The following DPY19L2 variants were observed in gnomAD, a reference collection of about 807,000 sequenced individuals.
The protein encoded by DPY19L2 is probable C-mannosyltransferase DPY19L2.
Under a neutral mutation model 97.9 loss-of-function variants are expected in DPY19L2, and 34 were observed. The ratio of observed to expected loss-of-function variants is 0.35; its 90% CI spans 0.26 to 0.46. The LOEUF is 0.46. Ranked by LOEUF, DPY19L2 falls within the 20% of genes least tolerant of loss-of-function variation. DPY19L2 has a pLI of 1.00. For missense variants in DPY19L2, 623 were observed against 911.4 expected (o/e 0.68, Z 4.07); for synonymous variants, 230 against 307.9 (o/e 0.75, Z 2.65).
At chr12:63,644,746 C>A (rs1893173282) in intron 5 of DPY19L2, among the ~76,000 whole-genome samples, 1 of 151,344 alleles carries the variant, frequency 6.6e-6, no homozygotes, top group Non-Finnish European at 1.5e-5. Context: ...GTAAGCTCAC[C>A]CTTAATGAGT....
Position 63,624,044 on chromosome 12 carries a change from G to A in DPY19L2, c.949C>T (p.Leu317Phe). 6.2e-7 allele frequency: 1 copy of A among 1,606,376 alleles called. No homozygotes were observed. The highest frequency in any genetic ancestry group is 1.1e-5 in the South Asian group (1 of 90,688). ...VLQMCILTLI[L>F]RTSSNDRRPF... ...CGTTTTATAAATCGAAGTTACCTGAGAATCAAAGTTAAAATACACATCTGA... is the reference window on the plus strand; with the variant it reads ...CGTTTTATAAATCGAAGTTACCTGAAAATCAAAGTTAAAATACACATCTGA... The change falls in exon 8 of 22, where the codon CTC (leucine) becomes TTC (phenylalanine). Residue 317 changes from leucine to phenylalanine, a missense_variant. Transcript: ENST00000324472.
At position 63,568,666 on chromosome 12, in the gene DPY19L2, G is replaced by A. The variant is rs559100643; in HGVS notation, c.2126+558C>T. Among the ~76,000 whole-genome samples, 5 of 151,902 alleles carry A rather than the reference G, an allele frequency of 3.3e-5. 1 individual carries two copies. The South Asian group carries it at 1.0e-3, about 31-fold the overall frequency. ...TGTCATTCTAGGAGACAATTAATGT[G>A]CCTGAATTTCCTGTCATGTGCAGCA... On this transcript the variant is annotated intron_variant, in intron 21 of 21. Coordinates refer to ENST00000324472, the MANE Select transcript of DPY19L2 (RefSeq NM_173812.5).
intron 21 of DPY19L2, among the ~76,000 whole-genome samples, chr12:63,562,584 GCAGAGTGGTTGTACCATATTACTT>G (rs1876792202): frequency 6.6e-6 from 1 of 152,078 alleles, no homozygotes; most frequent in African/African-American, 2.4e-5. Flanking sequence ...AAACTGTCTT[GCAGAGTGGTTGTACCATATTACTT>G]CTGCACCACT....
chr12:63,625,324 G>A (rs1303951825), intron 7 of DPY19L2, among the ~76,000 whole-genome samples: 2 of 151,714 alleles, frequency 1.3e-5, no homozygotes, highest in African/African-American at 4.8e-5. Flanking sequence ...TTGAACCTGG[G>A]AGACAGAGGT....
chr12:63,592,640 A>G (rs1883322510), intron 16 of DPY19L2, among the ~76,000 whole-genome samples: 1 of 147,088 alleles, frequency 6.8e-6, no homozygotes, highest in African/African-American at 2.5e-5. Flanking sequence ...AAATTAATTC[A>G]AGATGGATTA....
At chr12:63,564,559 A>G (rs1210431707) in intron 21 of DPY19L2, among the ~76,000 whole-genome samples, 1 of 152,096 alleles carries the variant, frequency 6.6e-6, no homozygotes, top group Non-Finnish European at 1.5e-5. Flanking sequence ...TCTGTTACTG[A>G]TTTCTAATTT....
chr12:63,575,546 C>A (rs933415152), intron 19 of DPY19L2, among the ~76,000 whole-genome samples: 1 of 151,596 alleles, frequency 6.6e-6, no homozygotes, highest in East Asian at 1.9e-4. Context: ...AATTAACAAA[C>A]CTTTAGCCGG....
intron 4 of DPY19L2, among the ~76,000 whole-genome samples, chr12:63,652,177 T>C (rs1894343491): frequency 1.3e-5 from 2 of 152,134 alleles, no homozygotes; most frequent in African/African-American, 2.4e-5. Context: ...ATCAATCATA[T>C]GAAAAAGTGT....
Position 63,624,077 on chromosome 12 carries a change from G to A in DPY19L2, c.916C>T (p.Leu306Phe). 6.2e-7 allele frequency: 1 copy of A among 1,611,712 alleles called. No individual in the cohort carries two copies. Among genetic ancestry groups the A allele is most frequent in the Non-Finnish European group, 8.5e-7 (1 of 1,179,644 alleles). ...PLRESFSYPF[L>F]VLQMCILTLI... ...GTTAAAATACACATCTGAAGTACAA[G>A]GAAAGGATAGGAAAAACTTTCACGG... Residue 306 changes from leucine to phenylalanine, a missense_variant, in exon 8 of 22, where the codon CTT becomes TTT. Leu to Phe is a conservative substitution (Grantham distance 22, BLOSUM62 0). Coordinates refer to ENST00000324472, the MANE Select transcript of DPY19L2 (RefSeq NM_173812.5).
intron 5 of DPY19L2, among the ~76,000 whole-genome samples, chr12:63,645,259 T>A (rs1334276617): frequency 6.6e-6 from 1 of 152,200 alleles, no homozygotes; most frequent in Non-Finnish European, 1.5e-5. Flanking sequence ...AGCCAAGGTC[T>A]GAAGGCTGGC....
chr12:63,607,384 C>A (rs865877031), intron 12 of DPY19L2, among the ~76,000 whole-genome samples: 17 of 152,132 alleles, frequency 1.1e-4, no homozygotes, highest in Admixed American at 4.6e-4. Flanking sequence ...TTCTACAAAG[C>A]CTGCATGTCT....
Position 63,620,515 on chromosome 12 carries a change from C to T in DPY19L2, c.1053+723G>A, listed in dbSNP as rs138542755. ...TGTGAATAAAAATAATACAAAAAGT[C>T]TTTCACATGCCGAGCCTTAAAATCT... On this transcript the variant is annotated intron_variant, in intron 9 of 21. Transcript: ENST00000324472. Among the ~76,000 whole-genome samples, 907 of 152,216 alleles carry T rather than the reference C, an allele frequency of 6.0e-3. 7 individuals carry two copies. Among genetic ancestry groups the T allele is most frequent in the Non-Finnish European group, 9.5e-3 (646 of 67,996 alleles).
At chr12:63,625,791 A>G (rs1413620929) in intron 7 of DPY19L2, among the ~76,000 whole-genome samples, 3 of 152,078 alleles carry the variant, frequency 2.0e-5, no homozygotes, top group Admixed American at 2.0e-4. Context: ...CAATGTATAC[A>G]AAGTTTCAGT....
chr12:63,591,077 C>T, intron 16 of DPY19L2: 2 of 455,948 alleles, frequency 4.4e-6, no homozygotes, highest in Non-Finnish European at 8.8e-6. Context: ...CAGGGTTCTC[C>T]ATTCATTCTT....
At chr12:63,591,860 C>T (rs1385945009) in intron 16 of DPY19L2, among the ~76,000 whole-genome samples, 20 of 149,990 alleles carry the variant, frequency 1.3e-4, no homozygotes, top group Admixed American at 9.3e-4. Flanking sequence ...GAGATGATCG[C>T]GTGAGTCCGG....
intron 18 of DPY19L2, 132 bp from the exon 19 acceptor site, chr12:63,580,968 A>G: frequency 1.1e-6 from 1 of 913,032 alleles, no homozygotes; most frequent in East Asian, 2.7e-5. Flanking sequence ...ATACAGAATT[A>G]TCATCTCCGA....
intron 5 of DPY19L2, among the ~76,000 whole-genome samples, chr12:63,646,255 A>G (rs1202649926): frequency 6.6e-6 from 1 of 152,144 alleles, no homozygotes; most frequent in Admixed American, 6.5e-5. Context: ...CTTATTGGGA[A>G]TGTAACTAAT....
At chr12:63,625,397 GAAA>G (rs754194503) in intron 7 of DPY19L2, among the ~76,000 whole-genome samples, 1 of 132,156 alleles carries the variant, frequency 7.6e-6, no homozygotes, top group Non-Finnish European at 1.6e-5. Context: ...ACTCTATCTT[GAAA>G]AAAAAAAAAA....
At chr12:63,666,588 A>G (rs74097431) in intron 1 of DPY19L2, 72,708 of 374,652 alleles carry the variant, frequency 0.19, 8,376 homozygotes, top group East Asian at 0.45. Flanking sequence ...AGTGGGTAAT[A>G]GAACAAGTTA....
Sources: allele counts gnomAD v4.1 joint callset (sites outside exome capture counted in the v4.1 genomes callset), GRCh38; gene constraint gnomAD v4.1.1; transcripts MANE v1.5; gene names NCBI Gene and HGNC (gene_info 2026-07-23, HGNC 2026-07-21).